Variants in CACNA1C observed in about 807,000 individuals in gnomAD.
The protein encoded by CACNA1C is calcium voltage-gated channel subunit alpha1 C, also known as voltage-dependent L-type calcium channel subunit alpha-1C.
CACNA1C carries 30 observed loss-of-function variants against 229.0 expected under a neutral mutation model. The observed-to-expected ratio is 0.13, with a 90% CI of 0.10 to 0.18. The LOEUF (loss-of-function observed/expected upper bound fraction) is 0.18. Ranked by LOEUF, CACNA1C falls within the 10% of genes least tolerant of loss-of-function variation. CACNA1C has a pLI of 1.00. For missense variants in CACNA1C, 1,658 were observed against 2,845.0 expected (o/e 0.58, Z 9.49); for synonymous variants, 1,114 against 1,132.5 (o/e 0.98, Z 0.33).
chr12:2,658,919 G>A (rs113851345), intron 34 of CACNA1C, among the ~76,000 whole-genome samples: 7,228 of 151,848 alleles, frequency 0.048, 522 homozygotes, highest in African/African-American at 0.16. Flanking sequence ...AAAATATTCT[G>A]CACAGCTGTA....
intron 1 of CACNA1C, among the ~76,000 whole-genome samples, chr12:1,986,887 T>C (rs752991134): frequency 1.3e-5 from 2 of 152,198 alleles, no homozygotes; most frequent in Non-Finnish European, 2.9e-5. Context: ...GGGAGAGATA[T>C]ACTGTAGTGA....
At chr12:2,310,637 T>C (rs936023264) in intron 3 of CACNA1C, among the ~76,000 whole-genome samples, 1 of 151,958 alleles carries the variant, frequency 6.6e-6, no homozygotes, top group African/African-American at 2.4e-5. Flanking sequence ...AAGTCTGGAG[T>C]TGTTTCTATT....
chr12:2,032,165 G>A (rs905572284), intron 1 of CACNA1C, among the ~76,000 whole-genome samples: 6 of 152,108 alleles, frequency 3.9e-5, no homozygotes, highest in Non-Finnish European at 5.9e-5. Flanking sequence ...CATGCTCTAA[G>A]GGAGCAACTT....
At chr12:2,498,696 G>T (rs1037699351) in intron 7 of CACNA1C, among the ~76,000 whole-genome samples, 3 of 152,238 alleles carry the variant, frequency 2.0e-5, no homozygotes, top group African/African-American at 7.2e-5. Context: ...ACAGCCCTGA[G>T]GGGCACAGAG....
chr12:2,138,331 C>T (rs947592336), intron 3 of CACNA1C, among the ~76,000 whole-genome samples: 1 of 151,202 alleles, frequency 6.6e-6, no homozygotes, highest in African/African-American at 2.4e-5. Context: ...CTGGGGAGCA[C>T]AAGCCTTGGT....
intron 5 of CACNA1C, among the ~76,000 whole-genome samples, chr12:2,476,942 C>T (rs768118448): frequency 6.6e-6 from 1 of 152,200 alleles, no homozygotes; most frequent in Non-Finnish European, 1.5e-5. Context: ...TTATAGGAAG[C>T]TTCTTTTCCC....
intron 43 of CACNA1C, among the ~76,000 whole-genome samples, chr12:2,684,238 A>G (rs1054700782): frequency 2.0e-5 from 3 of 152,182 alleles, no homozygotes; most frequent in Non-Finnish European, 4.4e-5. Flanking sequence ...AAAAGCATGG[A>G]AAGAGTCCCA....
At position 2,695,702 on chromosome 12, in the gene CACNA1C, G is replaced by A. The variant is rs549970266; in HGVS notation, c.*4503G>A. ...TCCCCAACACCTAGTGAGAAAGACG[G>A]TGCGTGGAAGGGAGTCCCATGGGCA... is the stretch of plus-strand genomic sequence containing the variant. On this transcript the variant is annotated 3_prime_UTR_variant, in exon 47 of 47. Coordinates refer to ENST00000399655, the MANE Select transcript of CACNA1C (RefSeq NM_000719.7). 6.6e-6 allele frequency: 1 copy of A among 152,386 alleles called. No homozygotes were observed. Among genetic ancestry groups the A allele is most frequent in the East Asian group, 1.9e-4 (1 of 5,188 alleles). The allele number at this position is 152,386 out of a possible 1,614,324, so 9.4% of individuals were successfully genotyped here. A position where few individuals can be genotyped will look rare whatever the true frequency, so the allele number is the denominator to read the frequency against.
chr12:2,514,968 G>A (rs2099793203), intron 9 of CACNA1C, among the ~76,000 whole-genome samples: 1 of 152,224 alleles, frequency 6.6e-6, no homozygotes, highest in East Asian at 1.9e-4. Flanking sequence ...ATAATGAGCT[G>A]CCTAACCCAA....
At chr12:2,033,171 C>T (rs541812857) in intron 1 of CACNA1C, among the ~76,000 whole-genome samples, 10 of 152,124 alleles carry the variant, frequency 6.6e-5, no homozygotes, top group Non-Finnish European at 1.3e-4. Flanking sequence ...CATTCCTTGA[C>T]GTACAAGGAA....
chr12:2,312,056 G>A (rs893918087), intron 3 of CACNA1C, among the ~76,000 whole-genome samples: 1 of 152,126 alleles, frequency 6.6e-6, no homozygotes, highest in African/African-American at 2.4e-5. Flanking sequence ...GTGAAGTTCT[G>A]GCTTCCTGGG....
intron 9 of CACNA1C, among the ~76,000 whole-genome samples, chr12:2,518,076 G>C (rs930886997): frequency 6.6e-6 from 1 of 152,166 alleles, no homozygotes; most frequent in Admixed American, 6.5e-5. Flanking sequence ...CCATGGTATC[G>C]AGTTATGTGA....
intron 3 of CACNA1C, among the ~76,000 whole-genome samples, chr12:2,406,756 G>A (rs906392957): frequency 6.6e-6 from 1 of 152,204 alleles, no homozygotes; most frequent in Non-Finnish European, 1.5e-5. Context: ...TAACATCTGG[G>A]TTATCTCAGT....
chr12:2,610,184 C>T (rs2077023540), intron 27 of CACNA1C, among the ~76,000 whole-genome samples: 2 of 152,142 alleles, frequency 1.3e-5, no homozygotes, highest in South Asian at 4.1e-4. Flanking sequence ...GTGAGAAGCA[C>T]AGCTGTCAGT....
chr12:2,283,238 T>C (rs2091888441), intron 3 of CACNA1C, among the ~76,000 whole-genome samples: 1 of 152,192 alleles, frequency 6.6e-6, no homozygotes, highest in South Asian at 2.1e-4. Context: ...GGTGCAAGGC[T>C]ACTTCTCCTT....
At chr12:2,457,395 G>A (rs904751674) in intron 4 of CACNA1C, among the ~76,000 whole-genome samples, 172 bp from the exon 5 acceptor site, 1 of 152,222 alleles carries the variant, frequency 6.6e-6, no homozygotes, top group African/African-American at 2.4e-5. Context: ...CCCACACTGA[G>A]GGGATGTCAG....
At chr12:2,004,812 CAATA>C in intron 1 of CACNA1C, 1 of 208,744 alleles carries the variant, frequency 4.8e-6, no homozygotes, top group Non-Finnish European at 9.7e-6. Context: ...AAATCTATCA[CAATA>C]AATAAGCCTC....
upstream of CACNA1C, chr12:2,052,885 C>G: frequency 1.5e-6 from 1 of 671,148 alleles, no homozygotes; most frequent in Non-Finnish European, 1.8e-6. Context: ...GCGTCTGCCT[C>G]CGGCGCGCCG....
intron 1 of CACNA1C, among the ~76,000 whole-genome samples, chr12:2,094,931 A>G (rs140199556): frequency 3.5e-4 from 53 of 152,320 alleles, no homozygotes; most frequent in Non-Finnish European, 5.7e-4. Context: ...AAATGAGACC[A>G]TTTAATGACT....
Sources: allele counts gnomAD v4.1 joint callset (sites outside exome capture counted in the v4.1 genomes callset), GRCh38; gene constraint gnomAD v4.1.1; transcripts MANE v1.5; gene names NCBI Gene and HGNC (gene_info 2026-07-23, HGNC 2026-07-21).